The following RNF185 variants were observed in gnomAD, a reference collection of about 807,000 sequenced individuals.
RNF185 encodes the protein E3 ubiquitin-protein ligase RNF185.
Under a neutral mutation model 24.9 loss-of-function variants are expected in RNF185, and 13 were observed. The observed-to-expected ratio is 0.52, with a 90% CI of 0.34 to 0.83. The LOEUF (loss-of-function observed/expected upper bound fraction) is 0.83, where lower values mean the gene tolerates loss of function less well. Among genes scored for constraint, RNF185 ranks in the 40% least tolerant of loss-of-function variants. The pLI is 0.01. For synonymous variants in RNF185, 79 were observed against 90.3 expected (o/e 0.88, Z 0.71); for missense variants, 184 against 244.7 (o/e 0.75, Z 1.65).
intron 6 of RNF185, among the ~76,000 whole-genome samples, chr22:31,203,841 G>A (rs2048286911): frequency 6.6e-6 from 1 of 151,972 alleles, no homozygotes; most frequent in African/African-American, 2.4e-5. Flanking sequence ...TTTGAGACCA[G>A]CCTGGCTAAC....
intron 5 of RNF185, among the ~76,000 whole-genome samples, chr22:31,200,785 T>C (rs1255957170): frequency 1.3e-5 from 2 of 152,238 alleles, no homozygotes; most frequent in Non-Finnish European, 2.9e-5. Flanking sequence ...GAGTTTCTTA[T>C]AGCAAGTATA....
chr22:31,188,892 G>A (rs998006849), intron 2 of RNF185, among the ~76,000 whole-genome samples: 2 of 151,688 alleles, frequency 1.3e-5, no homozygotes, highest in African/African-American at 4.8e-5. Flanking sequence ...AGGCCAAGGT[G>A]GGCGGATCAC....
In RNF185 at chr22:31,196,956, C is replaced by G; in HGVS notation, c.329C>G (p.Pro110Arg). The change falls in exon 5 of 7, where the codon CCT becomes CGT. Residue 110 changes from proline to arginine, a missense_variant. Transcript: ENST00000326132. ...QDPREKTPPRPQGQRPEPENR... is the reference protein window; with the variant it reads ...QDPREKTPPRRQGQRPEPENR... ...TTCAGAGAGAAGACCCCTCCTCGTC[C>G]TCAAGGACAGAGGCCAGAGCCGGAG... is the stretch of plus-strand genomic sequence containing the variant. The G allele has an allele frequency of 6.2e-7, 1 of 1,612,418 alleles. No homozygotes were observed. The highest frequency in any genetic ancestry group is 8.5e-7 in the Non-Finnish European group (1 of 1,179,462).
chr22:31,193,836 C>A (rs2048178142), intron 3 of RNF185, among the ~76,000 whole-genome samples: 1 of 150,736 alleles, frequency 6.6e-6, no homozygotes, highest in Non-Finnish European at 1.5e-5. Context: ...CAAAAACAAG[C>A]AAAAAACAAA....
chr22:31,204,230 C>T (rs1464569455), intron 6 of RNF185, among the ~76,000 whole-genome samples: 1 of 151,544 alleles, frequency 6.6e-6, no homozygotes, highest in Non-Finnish European at 1.5e-5. Context: ...GTAATCCCAG[C>T]TACTTAGGAG....
intron 2 of RNF185, among the ~76,000 whole-genome samples, chr22:31,190,177 C>A (rs554250172): frequency 6.6e-6 from 1 of 152,202 alleles, no homozygotes; most frequent in Non-Finnish European, 1.5e-5. Context: ...TATCCAACAG[C>A]GGTTCCATAA....
Position 31,163,802 on chromosome 22 carries a change from T to C in RNF185, c.-49+3499T>C, listed in dbSNP as rs1283505662. Among the ~76,000 whole-genome samples, 8 of 151,688 alleles carry C rather than the reference T, an allele frequency of 5.3e-5. No individual in the cohort carries two copies. In the East Asian group the frequency reaches 1.4e-3, roughly 26 times the overall value. Reference sequence around the variant, plus strand: ...AATTCTCCTGCCTCAGCCTTCTGAGTAGCTGGGACTACAGGTGCACGCCAC... The same window carrying C: ...AATTCTCCTGCCTCAGCCTTCTGAGCAGCTGGGACTACAGGTGCACGCCAC... On this transcript the variant is annotated intron_variant, in intron 1 of 6. Transcript: ENST00000326132.
chr22:31,181,362 A>G (rs2048034903), intron 1 of RNF185, among the ~76,000 whole-genome samples: 1 of 151,774 alleles, frequency 6.6e-6, no homozygotes, highest in Admixed American at 6.6e-5. Context: ...AAAAAAAAAT[A>G]CCTTTTATTG....
At chr22:31,165,289 T>C (rs1004672682) in intron 1 of RNF185, among the ~76,000 whole-genome samples, 2 of 152,188 alleles carry the variant, frequency 1.3e-5, no homozygotes, top group African/African-American at 4.8e-5. Flanking sequence ...ACTAAAAAAA[T>C]TATATCTCTC....
intron 1 of RNF185, among the ~76,000 whole-genome samples, chr22:31,162,218 G>A (rs1040585226): frequency 1.3e-5 from 2 of 152,140 alleles, no homozygotes; most frequent in South Asian, 2.1e-4. Context: ...TTAGGGTTGA[G>A]CCAAAACTTC....
rs1201391064 is a variant in RNF185 at position 31,201,581 on chromosome 22, A to G, written c.447A>G (p.Thr149=). The change falls in exon 6 of 7, where the codon ACA becomes ACG. Residue 149 remains threonine (T), a synonymous_variant. Coordinates refer to ENST00000326132, the MANE Select transcript of RNF185 (RefSeq NM_152267.4). The stretch of plus-strand genomic sequence containing the variant: ...CATTTCCCTTTGGGATATTTGCCAC[A>G]GCATTTAATATAAATGATGGGCGGC... ...IGAFPFGIFA[T]AFNINDGRPP... 1 of 1,612,120 alleles carries G rather than the reference A, an allele frequency of 6.2e-7. No homozygotes were observed. The highest frequency in any genetic ancestry group is 1.1e-5 in the South Asian group (1 of 91,004).
At chr22:31,182,113 T>TC (rs917583600) in intron 1 of RNF185, among the ~76,000 whole-genome samples, 2 of 146,714 alleles carry the variant, frequency 1.4e-5, no homozygotes, top group African/African-American at 5.0e-5. Context: ...TAATTCCTTT[T>TC]TTTTTTTTTT....
intron 5 of RNF185, among the ~76,000 whole-genome samples, chr22:31,199,318 C>T (rs1601378131): frequency 6.6e-6 from 1 of 152,144 alleles, no homozygotes; most frequent in South Asian, 2.1e-4. Flanking sequence ...CAGGGCCACA[C>T]GTACAGTGCT....
chr22:31,164,458 T>G (rs1221291360), intron 1 of RNF185, among the ~76,000 whole-genome samples: 3 of 152,214 alleles, frequency 2.0e-5, no homozygotes, highest in Non-Finnish European at 4.4e-5. Context: ...GAGACTTTAT[T>G]CAGATTTTGC....
chr22:31,189,748 G>A (rs1314864415), intron 2 of RNF185, among the ~76,000 whole-genome samples: 1 of 42,156 alleles, frequency 2.4e-5, no homozygotes, highest in Non-Finnish European at 3.8e-5. Context: ...TGGGATTACA[G>A]GTGCACCCAG....
chr22:31,200,419 C>G (rs765882688), intron 5 of RNF185, among the ~76,000 whole-genome samples: 5 of 152,170 alleles, frequency 3.3e-5, no homozygotes, highest in African/African-American at 1.2e-4. Flanking sequence ...AGTTTTAGAT[C>G]TAAACTGTAC....
chr22:31,187,146 G>C lies in RNF185; in HGVS notation c.52G>C (p.Gly18Arg). The change falls in exon 2 of 7, where the codon GGG (glycine) becomes CGG (arginine). Residue 18 changes from glycine to arginine, a missense_variant. Gly to Arg is a moderately radical substitution (Grantham distance 125). Coordinates refer to ENST00000326132, the MANE Select transcript of RNF185 (RefSeq NM_152267.4). Reference protein sequence around the residue: ...ASASPENSSAGGPSGSSNGAG... With the variant: ...ASASPENSSARGPSGSSNGAG... ...TGCATCTCCTGAGAACTCCAGTGCA[G>C]GGGGGCCCAGTGGGAGCAGCAATGG... The C allele has an allele frequency of 6.2e-7, 1 of 1,613,098 alleles. No homozygotes were observed. Among genetic ancestry groups the C allele is most frequent in the South Asian group, 1.1e-5 (1 of 90,992 alleles).
At chr22:31,194,173 C>G (rs1049287070) in intron 3 of RNF185, among the ~76,000 whole-genome samples, 1 of 151,984 alleles carries the variant, frequency 6.6e-6, no homozygotes, top group Non-Finnish European at 1.5e-5. Flanking sequence ...GCTGGGATTA[C>G]AAGCGTGAGC....
At chr22:31,161,093 C>A (rs1200328080) in intron 1 of RNF185, among the ~76,000 whole-genome samples, 1 of 152,136 alleles carries the variant, frequency 6.6e-6, no homozygotes, top group Non-Finnish European at 1.5e-5. Context: ...AATACTGTTA[C>A]GGCAAAGAGG....
Sources: gnomAD v4.1 joint callset for allele counts (sites outside exome capture counted in the v4.1 genomes callset) on GRCh38, gnomAD v4.1.1 for gene constraint, MANE v1.5 for transcripts, NCBI Gene and HGNC (gene_info 2026-07-23, HGNC 2026-07-21) for gene names.